Variants in ARHGAP35 observed in about 807,000 individuals in gnomAD.
ARHGAP35 encodes rho GTPase-activating protein 35.
A neutral mutation model predicts 111.1 loss-of-function variants in ARHGAP35; 15 were observed. The ratio of observed to expected loss-of-function variants is 0.13; its 90% CI spans 0.09 to 0.21. The LOEUF (loss-of-function observed/expected upper bound fraction) is 0.21. Among genes scored for constraint, ARHGAP35 ranks in the 10% least tolerant of loss-of-function variants. The pLI is 1.00. For missense variants in ARHGAP35, 1,262 were observed against 1,873.0 expected (o/e 0.67, Z 6.02); for synonymous variants, 643 against 710.3 (o/e 0.91, Z 1.51).
At chr19:46,969,468 G>GT in intron 3 of ARHGAP35, among the ~76,000 whole-genome samples, 1 of 152,134 alleles carries the variant, frequency 6.6e-6, no homozygotes, top group Admixed American at 6.6e-5. Flanking sequence ...CTGCCTGGTG[G>GT]TTTCTCCTGT....
chr19:46,987,931 C>G, intron 3 of ARHGAP35, 58 bp from the exon 4 acceptor site: 1 of 1,553,224 alleles, frequency 6.4e-7, no homozygotes, highest in Non-Finnish European at 8.8e-7. Context: ...CGAGCCCAGC[C>G]CTCCTCATTC....
In ARHGAP35 at chr19:46,921,324, T is replaced by C. The variant is rs1351188187; in HGVS notation, c.2649T>C (p.Ile883=). The C allele has an allele frequency of 1.2e-6, 2 of 1,613,970 alleles. No homozygotes were observed. The highest frequency in any genetic ancestry group is 2.2e-5 in the South Asian group (2 of 91,080). The part of the protein sequence containing the change: ...FLCEVQDIIP[I]QLVALTDGAV... ...GTGAAGTGCAGGATATTATCCCTAT[T>C]CAGCTTGTAGCACTCACTGATGGCG... is the stretch of plus-strand genomic sequence containing the variant. Residue 883 remains isoleucine (I), a synonymous_variant, in exon 2 of 7, where the codon ATT becomes ATC. Transcript: ENST00000672722. The surrounding 1 kb of genome is among the most constrained non-coding windows in gnomAD (Gnocchi z 4.3).
At chr19:46,960,930 T>C (rs1741286900) in intron 3 of ARHGAP35, among the ~76,000 whole-genome samples, 1 of 150,940 alleles carries the variant, frequency 6.6e-6, no homozygotes. Context: ...GTCTCACTCC[T>C]GTCCCCTAGG....
intron 3 of ARHGAP35, among the ~76,000 whole-genome samples, chr19:46,939,203 A>G (rs984072354): frequency 1.3e-5 from 2 of 151,432 alleles, no homozygotes; most frequent in African/African-American, 4.9e-5. Context: ...TCACAATCCT[A>G]GCTTCAAATG....
At position 46,919,287 on chromosome 19, in the gene ARHGAP35, A is replaced by C; in HGVS notation, c.612A>C (p.Glu204Asp). The C allele has an allele frequency of 6.2e-7, 1 of 1,614,002 alleles. No homozygotes were observed. Among genetic ancestry groups the C allele is most frequent in the Non-Finnish European group, 8.5e-7 (1 of 1,179,898 alleles). ...TGGTGGTCCTGACTAAGTGTGACGA[A>C]GGTGTTGAGCGGTACATTAGAGATG... ...PIVVVLTKCD[E>D]GVERYIRDAH... The change falls in exon 2 of 7, where the codon GAA (glutamate) becomes GAC (aspartate). Residue 204 changes from glutamate to aspartate, a missense_variant. Coordinates refer to ENST00000672722, the MANE Select transcript of ARHGAP35 (RefSeq NM_004491.5). This position sits in a 1 kb window ranked among gnomAD's most constrained non-coding sequence, Gnocchi z 6.2.
At position 46,903,674 on chromosome 19, in the gene ARHGAP35, A is replaced by G. The variant is rs78196616; in HGVS notation, c.-188-14814A>G. Among the ~76,000 whole-genome samples, 662 of 152,332 alleles carry G rather than the reference A, an allele frequency of 4.3e-3. 5 individuals are homozygous for G. Among genetic ancestry groups the G allele is most frequent in the African/African-American group, 0.015 (621 of 41,580 alleles). ...AAGTCCGAGGGCTAAACCAGTGATA[A>G]GAGATGACTCGTTGATCTTCCTGAT... On this transcript the variant is annotated intron_variant, in intron 1 of 6. Coordinates refer to ENST00000672722, the MANE Select transcript of ARHGAP35 (RefSeq NM_004491.5).
rs1416653989 is a variant in ARHGAP35, at chr19:46,926,540, G to T, written c.3681+4184G>T. Among the ~76,000 whole-genome samples the T allele has an allele frequency of 6.6e-6, 1 of 152,040 alleles. No individual in the cohort carries two copies. Among genetic ancestry groups the T allele is most frequent in the Non-Finnish European group, 1.5e-5 (1 of 68,020 alleles). ...GTATGCCTTTTGGTCATGCTGAAATGGCTGCGTTTGGTGTGTTTGACTGTG... is the reference window on the plus strand; with the variant it reads ...GTATGCCTTTTGGTCATGCTGAAATTGCTGCGTTTGGTGTGTTTGACTGTG... On this transcript the variant is annotated intron_variant, in intron 2 of 6. Coordinates refer to ENST00000672722, the MANE Select transcript of ARHGAP35 (RefSeq NM_004491.5). The surrounding 1 kb of genome is among the most constrained non-coding windows in gnomAD (Gnocchi z 4.1).
At chr19:46,976,138 C>A (rs1392838506) in intron 3 of ARHGAP35, among the ~76,000 whole-genome samples, 2 of 151,832 alleles carry the variant, frequency 1.3e-5, no homozygotes, top group Non-Finnish European at 1.5e-5. Context: ...CTCTCTCCCT[C>A]CCCCTGTAAT....
chr19:46,909,597 G>A (rs2056128012), intron 1 of ARHGAP35, among the ~76,000 whole-genome samples: 1 of 152,174 alleles, frequency 6.6e-6, no homozygotes. Context: ...TAGGGACATA[G>A]TGAGATTCCA....
rs185574964 is a variant in ARHGAP35, at chr19:46,984,591, T to A, written c.3827-3398T>A. 1.5e-4 allele frequency among the ~76,000 whole-genome samples: 23 copies of A among 152,336 alleles called. No individual in the cohort carries two copies. The East Asian group carries it at 4.2e-3, about 28-fold the overall frequency. ...CGATAAATTGCACTAGCCAAGCAAA[T>A]GCTACCTTTCCTAAATTACGCCGTG... is the stretch of plus-strand genomic sequence containing the variant. On this transcript the variant is annotated intron_variant, in intron 3 of 6. Transcript: ENST00000672722.
Position 46,908,455 on chromosome 19 carries a change from T to C in ARHGAP35, c.-188-10033T>C, listed in dbSNP as rs985761506. On this transcript the variant is annotated intron_variant, in intron 1 of 6. Transcript: ENST00000672722. The surrounding 1 kb of genome is among the most constrained non-coding windows in gnomAD (Gnocchi z 4.2). ...TTTGTATTCCCTTTGACGTAGAATA[T>C]TTTTACAGCTTATCAGAATCTTGGT... 1.3e-5 allele frequency among the ~76,000 whole-genome samples: 2 copies of C among 152,272 alleles called. No homozygotes were observed. Among genetic ancestry groups the C allele is most frequent in the East Asian group, 1.9e-4 (1 of 5,190 alleles).
At chr19:46,957,146 A>G (rs1348809119) in intron 3 of ARHGAP35, among the ~76,000 whole-genome samples, 3 of 151,904 alleles carry the variant, frequency 2.0e-5, no homozygotes, top group Non-Finnish European at 4.4e-5. Flanking sequence ...TATTTTTAAT[A>G]GAGACGGGGT....
chr19:46,919,866 G>A lies in ARHGAP35; in HGVS notation c.1191G>A (p.Met397Ile), dbSNP rs774968034. Residue 397 changes from methionine to isoleucine, a missense_variant, in exon 2 of 7, where the codon ATG becomes ATA. Met to Ile is a conservative substitution (Grantham distance 10, BLOSUM62 1). This residue lies in a region of ARHGAP35 where 328 missense variants were observed against 440.8 expected (regional missense o/e 0.74). Coordinates refer to ENST00000672722, the MANE Select transcript of ARHGAP35 (RefSeq NM_004491.5). The surrounding 1 kb of genome is among the most constrained non-coding windows in gnomAD (Gnocchi z 6.2). ...ATGCCACCAGTCACATTGACAACAT[G>A]GAAAACGAACGGATTCCCTTTGATT... ...PWDATSHIDNMENERIPFDLM... is the reference protein window; with the variant it reads ...PWDATSHIDNIENERIPFDLM... 7 of 1,613,898 alleles carry A rather than the reference G, an allele frequency of 4.3e-6. No homozygotes were observed. Among genetic ancestry groups the A allele is most frequent in the Non-Finnish European group, 5.9e-6 (7 of 1,179,906 alleles).
In ARHGAP35 at chr19:46,999,518, T is replaced by G; in HGVS notation, c.4142+109T>G. 3.9e-6 allele frequency: 3 copies of G among 766,298 alleles called. No homozygotes were observed. The highest frequency in any genetic ancestry group is 6.3e-6 in the Non-Finnish European group (3 of 472,602). The allele number at this position is 766,298 out of a possible 1,614,324, so 47.5% of individuals were successfully genotyped here. A position where few individuals can be genotyped will look rare whatever the true frequency, so the allele number is the denominator to read the frequency against. On this transcript the variant is annotated intron_variant, in intron 6 of 6. Coordinates refer to ENST00000672722, the MANE Select transcript of ARHGAP35 (RefSeq NM_004491.5). This position sits in a 1 kb window ranked among gnomAD's most constrained non-coding sequence, Gnocchi z 5.4. ...ACAAGCCAGTAGAAGCCTCAGGCCC[T>G]GGCCTGGAAGGGGTGCTGGCTGGCC...
At chr19:46,982,442 A>C (rs1398777980) in intron 3 of ARHGAP35, among the ~76,000 whole-genome samples, 1 of 150,914 alleles carries the variant, frequency 6.6e-6, no homozygotes, top group Admixed American at 6.6e-5. Flanking sequence ...GAGCCACTGC[A>C]CTCCAGCCTG....
rs368871307 is a variant in ARHGAP35, at chr19:46,871,973, CTT to C, written c.-189+10766_-189+10767del. On this transcript the variant is annotated intron_variant, in intron 1 of 6. Coordinates refer to ENST00000672722, the MANE Select transcript of ARHGAP35 (RefSeq NM_004491.5). ...CCAGCATGGGTGACAGAGTGAGACT[CTT>C]TGTCTCACACACACAAAACAAAGAA... 6.5e-3 allele frequency among the ~76,000 whole-genome samples: 981 copies of C among 151,990 alleles called. 6 individuals carry two copies. Among genetic ancestry groups the C allele is most frequent in the Middle Eastern group, 0.02 (6 of 294 alleles).
At chr19:46,890,116 A>T (rs951064610) in intron 1 of ARHGAP35, among the ~76,000 whole-genome samples, 2 of 152,212 alleles carry the variant, frequency 1.3e-5, no homozygotes, top group African/African-American at 4.8e-5. Context: ...TTAGAGTAAC[A>T]CTGAGCCCCA....
At chr19:46,981,927 C>T (rs1272893942) in intron 3 of ARHGAP35, among the ~76,000 whole-genome samples, 2 of 152,132 alleles carry the variant, frequency 1.3e-5, no homozygotes, top group Admixed American at 1.3e-4. Context: ...GGACATGGCT[C>T]ACTGCAGCCT....
chr19:46,897,436 GTTTAT>G (rs1334896390), intron 1 of ARHGAP35, among the ~76,000 whole-genome samples: 2 of 148,792 alleles, frequency 1.3e-5, no homozygotes, highest in East Asian at 2.0e-4. Context: ...AAGGTAGTGG[GTTTAT>G]TTTGTCTTTT....
Sources: gnomAD v4.1 joint callset for allele counts (sites outside exome capture counted in the v4.1 genomes callset) on GRCh38, gnomAD v4.1.1 for gene constraint, gnomAD v4.1.1 regional missense constraint, Gnocchi (gnomAD v3.1) non-coding constraint, MANE v1.5 for transcripts, NCBI Gene and HGNC (gene_info 2026-07-23, HGNC 2026-07-21) for gene names.